The following FNDC3B variants were observed in gnomAD, a reference collection of about 807,000 sequenced individuals.
The protein encoded by FNDC3B is fibronectin type III domain-containing protein 3B.
In FNDC3B, 12 loss-of-function variants were observed where a neutral mutation model predicts 151.5. The observed-to-expected ratio is 0.08, with a 90% CI of 0.05 to 0.13. The LOEUF is 0.13. Among genes scored for constraint, FNDC3B ranks in the 10% least tolerant of loss-of-function variants. The probability of loss-of-function intolerance (pLI) is 1.00; values close to 1 mark genes in which losing one functional copy is unlikely to be tolerated. For missense variants in FNDC3B, 1,214 were observed against 1,505.3 expected, an observed-to-expected ratio of 0.81 and a Z score of 3.20; for synonymous variants, 528 against 549.0, an observed-to-expected ratio of 0.96 and a Z score of 0.54.
At chr3:172,247,476 A>G in intron 4 of FNDC3B, 57 bp from the exon 5 acceptor site, 1 of 1,545,394 alleles carries the variant, frequency 6.5e-7, no homozygotes, top group Middle Eastern at 1.7e-4. Flanking sequence ...TTAATACTAT[A>G]TATATTCATA....
chr3:172,069,343 T>A (rs1161799453), intron 1 of FNDC3B, among the ~76,000 whole-genome samples: 1 of 152,256 alleles, frequency 6.6e-6, no homozygotes, highest in Non-Finnish European at 1.5e-5. Context: ...TCATTCATTT[T>A]ATTTTCCTAA....
At position 172,082,676 on chromosome 3, in the gene FNDC3B, C is replaced by G. The variant is rs183041994; in HGVS notation, c.-28-29776C>G. On this transcript the variant is annotated intron_variant, in intron 1 of 25. Coordinates refer to ENST00000415807, the MANE Select transcript of FNDC3B (RefSeq NM_022763.4). ...TAACTGGAAAAAGAGACAAGTCCCT[C>G]TGGTCTGGCCCTCTTGCTTTGTGGG... is the stretch of plus-strand genomic sequence containing the variant. Among the ~76,000 whole-genome samples the G allele has an allele frequency of 1.7e-3, 259 of 152,354 alleles. 1 individual carries two copies. Among genetic ancestry groups the G allele is most frequent in the African/African-American group, 5.9e-3 (245 of 41,586 alleles).
chr3:172,152,342 A>T (rs79171435), intron 3 of FNDC3B, among the ~76,000 whole-genome samples: 1 of 152,146 alleles, frequency 6.6e-6, no homozygotes, highest in Non-Finnish European at 1.5e-5. Context: ...GTGTGTATGT[A>T]TGGGGTACTT....
intron 1 of FNDC3B, among the ~76,000 whole-genome samples, chr3:172,045,291 T>A (rs1716305124): frequency 6.6e-6 from 1 of 152,236 alleles, no homozygotes; most frequent in African/African-American, 2.4e-5. Context: ...GAATAGGTGA[T>A]TTGTGACCTC....
intron 3 of FNDC3B, among the ~76,000 whole-genome samples, chr3:172,199,649 A>G (rs1202785824): frequency 6.6e-6 from 1 of 152,248 alleles, no homozygotes; most frequent in African/African-American, 2.4e-5. Context: ...ATAGAATTAA[A>G]TTCCTGTGGC....
chr3:172,285,207 A>G (rs1729948755), intron 6 of FNDC3B, among the ~76,000 whole-genome samples: 1 of 152,116 alleles, frequency 6.6e-6, no homozygotes, highest in Non-Finnish European at 1.5e-5. Context: ...CATCACATCC[A>G]GTCCTTCAGG....
chr3:172,324,933 G>T (rs142319355), intron 11 of FNDC3B, among the ~76,000 whole-genome samples: 3 of 152,228 alleles, frequency 2.0e-5, no homozygotes, highest in African/African-American at 7.2e-5. Context: ...CCACCAACGC[G>T]CAGAGAAGCG....
chr3:172,227,839 T>A (rs565769444), intron 4 of FNDC3B, among the ~76,000 whole-genome samples: 1 of 152,334 alleles, frequency 6.6e-6, no homozygotes, highest in African/African-American at 2.4e-5. Flanking sequence ...TCTTTCTCTG[T>A]CTCTCAGCCT....
chr3:172,311,018 A>G, intron 11 of FNDC3B, 137 bp downstream of exon 11: 1 of 667,486 alleles, frequency 1.5e-6, no homozygotes, highest in Non-Finnish European at 2.7e-6. Flanking sequence ...TTAAATCAAT[A>G]GTTATTGACT....
intron 23 of FNDC3B, among the ~76,000 whole-genome samples, chr3:172,365,426 A>G (rs1236026169): frequency 1.3e-5 from 2 of 152,080 alleles, no homozygotes; most frequent in African/African-American, 4.8e-5. Flanking sequence ...TAGGCTTGTT[A>G]TTTTACTTTT....
chr3:172,254,378 C>T (rs148194213), intron 6 of FNDC3B, among the ~76,000 whole-genome samples: 382 of 151,794 alleles, frequency 2.5e-3, no homozygotes, highest in Admixed American at 4.7e-3. Context: ...TTAATCAAAC[C>T]TCCATTGGGG....
intron 25 of FNDC3B, among the ~76,000 whole-genome samples, chr3:172,389,993 A>G (rs936507514): frequency 1.3e-5 from 2 of 152,224 alleles, no homozygotes; most frequent in Non-Finnish European, 2.9e-5. Flanking sequence ...GTGCATCTTA[A>G]TGCTTACTGT....
intron 3 of FNDC3B, among the ~76,000 whole-genome samples, chr3:172,222,240 C>T (rs1726310971): frequency 6.6e-6 from 1 of 152,144 alleles, no homozygotes; most frequent in Non-Finnish European, 1.5e-5. Flanking sequence ...AGATTATAGA[C>T]AAGCACATGA....
chr3:172,287,967 G>C (rs768473288), intron 7 of FNDC3B, among the ~76,000 whole-genome samples: 21 of 152,202 alleles, frequency 1.4e-4, no homozygotes, highest in Middle Eastern at 3.2e-3. Context: ...GCACACAGAT[G>C]TTAGCTCTAT....
intron 1 of FNDC3B, among the ~76,000 whole-genome samples, chr3:172,085,055 A>G (rs1359520021): frequency 6.6e-6 from 1 of 152,220 alleles, no homozygotes; most frequent in Non-Finnish European, 1.5e-5. Flanking sequence ...TGTGGTAAAT[A>G]CGTGGTGCTA....
chr3:172,148,761 C>T (rs1722060435), intron 3 of FNDC3B, among the ~76,000 whole-genome samples: 1 of 152,166 alleles, frequency 6.6e-6, no homozygotes, highest in Admixed American at 6.5e-5. Flanking sequence ...GAGGAGTTTT[C>T]TCATAGTGTC....
At chr3:172,209,877 G>A (rs1395512566) in intron 3 of FNDC3B, among the ~76,000 whole-genome samples, 1 of 152,250 alleles carries the variant, frequency 6.6e-6, no homozygotes, top group Non-Finnish European at 1.5e-5. Context: ...ATGCTCGTTG[G>A]TGCCCAACGT....
chr3:172,119,169 T>TA lies in FNDC3B; in HGVS notation c.111+6602dup, dbSNP rs555243695. On this transcript the variant is annotated intron_variant, in intron 2 of 25. Coordinates refer to ENST00000415807, the MANE Select transcript of FNDC3B (RefSeq NM_022763.4). ...TGGGTGACACAGTGAGACTCTGCCT[T>TA]AAAAAAAAAAAAAAAAAAAAAAAGA... is the stretch of plus-strand genomic sequence containing the variant. Among the ~76,000 whole-genome samples, 731 of 102,068 alleles carry TA rather than the reference T, an allele frequency of 7.2e-3. 10 individuals carry two copies. Among genetic ancestry groups the TA allele is most frequent in the African/African-American group, 0.019 (465 of 24,968 alleles). 67.0% of individuals were successfully genotyped at this position (102,068 alleles called of 152,430 possible).
chr3:172,045,143 A>G (rs1290239982), intron 1 of FNDC3B, among the ~76,000 whole-genome samples: 1 of 152,212 alleles, frequency 6.6e-6, no homozygotes, highest in Non-Finnish European at 1.5e-5. Flanking sequence ...AGCTGGTGCT[A>G]TGGTATTTCT....
Sources: allele counts gnomAD v4.1 joint callset (sites outside exome capture counted in the v4.1 genomes callset), GRCh38; gene constraint gnomAD v4.1.1; transcripts MANE v1.5; gene names NCBI Gene and HGNC (gene_info 2026-07-23, HGNC 2026-07-21).